The following RXFP2 variants were observed in gnomAD, a reference collection of about 807,000 sequenced individuals.
The protein encoded by RXFP2 is relaxin receptor 2.
In RXFP2, 68 loss-of-function variants were observed where a neutral mutation model predicts 88.6. The ratio of observed to expected loss-of-function variants is 0.77; its 90% CI spans 0.63 to 0.94. The LOEUF (loss-of-function observed/expected upper bound fraction) is 0.94, where lower values mean the gene tolerates loss of function less well. Among genes scored for constraint, RXFP2 ranks in the 40% least tolerant of loss-of-function variants. The pLI is 0.00. For synonymous variants in RXFP2, 329 were observed against 306.8 expected, an observed-to-expected ratio of 1.07 and a Z score of -0.76; for missense variants, 791 against 893.9, an observed-to-expected ratio of 0.88 and a Z score of 1.47.
intron 13 of RXFP2, among the ~76,000 whole-genome samples, 161 bp downstream of exon 13, chr13:31,786,798 A>G (rs1367749938): frequency 6.6e-6 from 1 of 152,054 alleles, no homozygotes. Flanking sequence ...AATAAGCCTC[A>G]TTATTTACCA....
chr13:31,748,757 C>A (rs1000978728), intron 1 of RXFP2, among the ~76,000 whole-genome samples: 4 of 152,094 alleles, frequency 2.6e-5, no homozygotes, highest in Admixed American at 6.6e-5. Flanking sequence ...GAGGCCGAGG[C>A]GGGCAGATCA....
At chr13:31,787,006 G>C (rs1340354101) in intron 13 of RXFP2, among the ~76,000 whole-genome samples, 2 of 152,172 alleles carry the variant, frequency 1.3e-5, no homozygotes, top group African/African-American at 4.8e-5. Flanking sequence ...TTTCCTACAA[G>C]GATCTACTTG....
intron 17 of RXFP2, among the ~76,000 whole-genome samples, chr13:31,799,165 A>C (rs923188974): frequency 2.6e-5 from 4 of 151,890 alleles, no homozygotes; most frequent in African/African-American, 9.7e-5. Flanking sequence ...AGAGTGATGG[A>C]ATAGGGGATC....
chr13:31,765,518 T>C (rs1872515879), intron 4 of RXFP2, among the ~76,000 whole-genome samples: 1 of 152,116 alleles, frequency 6.6e-6, no homozygotes, highest in African/African-American at 2.4e-5. Context: ...TGCAAAGATA[T>C]AAAAGATCCA....
At chr13:31,787,747 C>T (rs764408255) in intron 13 of RXFP2, among the ~76,000 whole-genome samples, 31 of 152,242 alleles carry the variant, frequency 2.0e-4, no homozygotes, top group Non-Finnish European at 3.8e-4. Flanking sequence ...TCAAGCAATT[C>T]TCCTGCCTCA....
rs372152377 is a variant in RXFP2, at chr13:31,774,830, A to G, written c.569+139A>G. The G allele has an allele frequency of 3.1e-5, 21 of 672,926 alleles. No individual in the cohort carries two copies. The African/African-American group carries it at 3.4e-4, about 11-fold the overall frequency. The allele number at this position is 672,926 out of a possible 1,614,324, so 41.7% of individuals were successfully genotyped here. On this transcript the variant is annotated intron_variant, in intron 6 of 17. Transcript: ENST00000298386. ...TCACAAAGTACTTAGATTAGTTATTACACTGAAAGAATTATTAAACGATTC... is the reference window on the plus strand; with the variant it reads ...TCACAAAGTACTTAGATTAGTTATTGCACTGAAAGAATTATTAAACGATTC...
intron 5 of RXFP2, 24 bp from the exon 6 acceptor site, chr13:31,774,592 CCTGA>C: frequency 8.7e-7 from 1 of 1,143,022 alleles, no homozygotes; most frequent in South Asian, 1.2e-5. Flanking sequence ...ACCATAATCA[CCTGA>C]CTCTCTTATC....
chr13:31,768,175 G>A (rs544125090), intron 5 of RXFP2, among the ~76,000 whole-genome samples: 2 of 152,258 alleles, frequency 1.3e-5, no homozygotes, highest in African/African-American at 4.8e-5. Flanking sequence ...TACTTTGTCA[G>A]AGAAAACAGG....
chr13:31,778,433 G>T, intron 8 of RXFP2, 79 bp from the exon 9 acceptor site: 3 of 1,022,728 alleles, frequency 2.9e-6, no homozygotes, highest in East Asian at 4.8e-5. Flanking sequence ...CGCAAGTTTT[G>T]AAATTTTAAA....
intron 13 of RXFP2, among the ~76,000 whole-genome samples, chr13:31,787,989 A>G (rs1265967532): frequency 6.6e-6 from 1 of 152,150 alleles, no homozygotes; most frequent in Non-Finnish European, 1.5e-5. Context: ...TTTCACAAAC[A>G]TATCTTAGCC....
chr13:31,759,447 T>C (rs75924444), intron 2 of RXFP2, among the ~76,000 whole-genome samples: 1 of 42,170 alleles, frequency 2.4e-5, no homozygotes, highest in Non-Finnish European at 6.3e-5. Context: ...GAAAGAAAGA[T>C]ACTGTGAAAT....
intron 5 of RXFP2, among the ~76,000 whole-genome samples, chr13:31,767,651 G>A (rs1303463290): frequency 6.6e-6 from 1 of 152,122 alleles, no homozygotes; most frequent in Non-Finnish European, 1.5e-5. Flanking sequence ...CATTACACAC[G>A]AAGTGACTAA....
intron 2 of RXFP2, among the ~76,000 whole-genome samples, chr13:31,759,463 G>A (rs1872194376): frequency 9.5e-6 from 1 of 105,574 alleles, no homozygotes; most frequent in Non-Finnish European, 2.1e-5. Context: ...GAAATATTCT[G>A]GAGGGGCAGA....
At chr13:31,774,179 G>A (rs576676272) in intron 5 of RXFP2, among the ~76,000 whole-genome samples, 127 of 152,196 alleles carry the variant, frequency 8.3e-4, no homozygotes, top group African/African-American at 2.8e-3. Context: ...AAGAATTAAA[G>A]CTTGCCCTCT....
intron 1 of RXFP2, among the ~76,000 whole-genome samples, chr13:31,757,920 C>T (rs1380798970): frequency 2.6e-5 from 4 of 151,932 alleles, no homozygotes; most frequent in African/African-American, 9.7e-5. Flanking sequence ...GGTGAAACCC[C>T]GTCTCTACTA....
chr13:31,766,468 C>T (rs1194766088), intron 5 of RXFP2, among the ~76,000 whole-genome samples: 1 of 151,916 alleles, frequency 6.6e-6, no homozygotes, highest in Non-Finnish European at 1.5e-5. Context: ...AGTTATGCAA[C>T]CAGTGATATT....
Position 31,765,972 on chromosome 13 carries a change from A to G in RXFP2, c.442A>G (p.Lys148Glu). ...TTATTTTAGGTCTCTTAAGAAAAAC[A>G]AAATCCACAGTCTTCCAGATAAAGT... The part of the protein sequence containing the change: ...NVTLLSLKKN[K>E]IHSLPDKVFI... Residue 148 changes from lysine (K) to glutamate (E), a missense_variant, in exon 5 of 18, where the codon AAA becomes GAA. Lys to Glu is a moderately conservative substitution (Grantham distance 56). Coordinates refer to ENST00000298386, the MANE Select transcript of RXFP2 (RefSeq NM_130806.5). 6.5e-7 allele frequency: 1 copy of G among 1,543,134 alleles called. No homozygotes were observed. The highest frequency in any genetic ancestry group is 8.9e-7 in the Non-Finnish European group (1 of 1,118,738).
chr13:31,739,539 C>A lies in RXFP2; in HGVS notation c.-74C>A. The stretch of plus-strand genomic sequence containing the variant: ...GTGAGCATGCTCAGAACATGGGAGG[C>A]ACTGAACTTACTACATCAGAACTCC... On this transcript the variant is annotated 5_prime_UTR_variant, in exon 1 of 18. Transcript: ENST00000298386. 1 of 898,140 alleles carries A rather than the reference C, an allele frequency of 1.1e-6. No individual in the cohort carries two copies. The highest frequency in any genetic ancestry group is 1.9e-6 in the Non-Finnish European group (1 of 530,546). 55.6% of individuals were successfully genotyped at this position (898,140 alleles called of 1,614,324 possible). A position where few individuals can be genotyped will look rare whatever the true frequency, so the allele number is the denominator to read the frequency against.
At chr13:31,800,379 G>A (rs1426703605) in intron 17 of RXFP2, among the ~76,000 whole-genome samples, 1 of 152,102 alleles carries the variant, frequency 6.6e-6, no homozygotes, top group African/African-American at 2.4e-5. Flanking sequence ...GACCATCCTG[G>A]CTAACACGGT....
Sources: gnomAD v4.1 joint callset for allele counts (sites outside exome capture counted in the v4.1 genomes callset) on GRCh38, gnomAD v4.1.1 for gene constraint, MANE v1.5 for transcripts, NCBI Gene and HGNC (gene_info 2026-07-23, HGNC 2026-07-21) for gene names.